The following ADGRV1 variants were observed in gnomAD, a reference collection of about 807,000 sequenced individuals.
ADGRV1 encodes adhesion G protein-coupled receptor V1, also known as G-protein coupled receptor 98.
A neutral mutation model predicts 596.2 loss-of-function variants in ADGRV1; 359 were observed. The observed-to-expected ratio is 0.60, with a 90% confidence interval of 0.55 to 0.66. The LOEUF is 0.66. Ranked by LOEUF, ADGRV1 falls within the 30% of genes least tolerant of loss-of-function variation. The pLI is 0.00. For synonymous variants in ADGRV1, 2,681 were observed against 2,679.2 expected (o/e 1.00, Z -0.02); for missense variants, 7,274 against 7,575.6 (o/e 0.96, Z 1.48).
At chr5:91,055,349 C>T (rs1320862322) in intron 85 of ADGRV1, among the ~76,000 whole-genome samples, 2 of 151,616 alleles carry the variant, frequency 1.3e-5, no homozygotes, top group South Asian at 4.2e-4. Context: ...CATGAGTAGA[C>T]ATTACAGTGT....
chr5:90,899,617 G>A (rs1366720189), intron 83 of ADGRV1, among the ~76,000 whole-genome samples: 2 of 152,100 alleles, frequency 1.3e-5, no homozygotes, highest in Non-Finnish European at 2.9e-5. Flanking sequence ...ATGACTTTAT[G>A]CTTTTCTCCC....
chr5:90,912,329 G>A (rs1772959285), intron 83 of ADGRV1, among the ~76,000 whole-genome samples: 1 of 152,106 alleles, frequency 6.6e-6, no homozygotes, highest in Non-Finnish European at 1.5e-5. Context: ...TTAAATGACA[G>A]TACCAAACAT....
At chr5:90,598,473 G>A (rs576396681) in intron 1 of ADGRV1, among the ~76,000 whole-genome samples, 3 of 152,322 alleles carry the variant, frequency 2.0e-5, no homozygotes, top group Non-Finnish European at 2.9e-5. Flanking sequence ...GCAGTGGAGC[G>A]TTTCTCCTCT....
intron 16 of ADGRV1, 100 bp from the exon 17 acceptor site, chr5:90,647,398 A>G: frequency 1.6e-6 from 2 of 1,236,216 alleles, no homozygotes; most frequent in Middle Eastern, 2.0e-4. Context: ...GACACAGTAC[A>G]AGGCTTCTCT....
At chr5:91,100,112 A>G (rs1000145686) in intron 86 of ADGRV1, among the ~76,000 whole-genome samples, 2 of 152,144 alleles carry the variant, frequency 1.3e-5, no homozygotes, top group African/African-American at 4.8e-5. Flanking sequence ...GCTAGGGACA[A>G]CTTGGCATCG....
intron 85 of ADGRV1, among the ~76,000 whole-genome samples, chr5:91,062,980 G>A (rs149838473): frequency 0.015 from 1,884 of 124,440 alleles, 53 homozygotes; most frequent in African/African-American, 0.053. Flanking sequence ...TTTTTTTGAG[G>A]CAGAGTTTCA....
rs372748882 is a variant in ADGRV1 at position 90,644,769 on chromosome 5, G to A, written c.2798G>A (p.Ser933Asn). ...GATGTTAGTGTATCATGGGTGGTTA[G>A]TCCAGACTTTACACAAGATGTATTT... ...FGDVSVSWVV[S>N]PDFTQDVFPV... Residue 933 changes from serine (S) to asparagine (N), a missense_variant, in exon 15 of 90, where the codon AGT becomes AAT. Physicochemically the swap from Ser to Asn is conservative, Grantham distance 46 (BLOSUM62 1). Around this residue, in one of 5 missense-constraint regions of ADGRV1, gnomAD observed 1,715 missense variants for 1,708.8 expected, o/e 1.00. Transcript: ENST00000405460. 1 of 1,611,998 alleles carries A rather than the reference G, an allele frequency of 6.2e-7. No homozygotes were observed. The highest frequency in any genetic ancestry group is 8.5e-7 in the Non-Finnish European group (1 of 1,179,266).
chr5:91,130,522 CAA>C (rs11423089), intron 87 of ADGRV1, among the ~76,000 whole-genome samples: 4 of 73,346 alleles, frequency 5.5e-5, no homozygotes, highest in African/African-American at 1.3e-4. Context: ...AACTCCATCT[CAA>C]AAAAAAAAAA....
chr5:90,713,829 G>A (rs961205563), intron 42 of ADGRV1, among the ~76,000 whole-genome samples: 2 of 152,054 alleles, frequency 1.3e-5, no homozygotes, highest in African/African-American at 4.8e-5. Context: ...GTAGGAGAAA[G>A]GAATATAGTA....
chr5:90,572,643 CGCACGT>C (rs1756685266), intron 1 of ADGRV1, among the ~76,000 whole-genome samples: 1 of 152,088 alleles, frequency 6.6e-6, no homozygotes. Context: ...CACACGCACA[CGCACGT>C]GCACACACAC....
In ADGRV1 at chr5:90,848,806, G is replaced by T. The variant is rs1473584596; in HGVS notation, c.17189G>T (p.Gly5730Val). ...AFSLLTNVTC[G>V]SPGEKSKTIL... ...TCTCTGCTGACTAATGTTACTTGCG[G>T]CTCTCCTGGTGAAAAGTAAGTATCT... The change falls in exon 79 of 90, where the codon GGC (glycine) becomes GTC (valine). Residue 5730 changes from glycine (G) to valine (V), a missense_variant. Physicochemically the swap from Gly to Val is moderately radical, Grantham distance 109. Coordinates refer to ENST00000405460, the MANE Select transcript of ADGRV1 (RefSeq NM_032119.4). 1 of 1,581,062 alleles carries T rather than the reference G, an allele frequency of 6.3e-7. No homozygotes were observed. The highest frequency in any genetic ancestry group is 8.6e-7 in the Non-Finnish European group (1 of 1,168,382).
intron 34 of ADGRV1, among the ~76,000 whole-genome samples, chr5:90,701,694 G>A (rs1747927344): frequency 6.6e-6 from 1 of 151,758 alleles, no homozygotes; most frequent in South Asian, 2.1e-4. Flanking sequence ...TTTCAGAGGG[G>A]ATATTGATGA....
In ADGRV1 at chr5:90,692,665, G is replaced by T; in HGVS notation, c.7012G>T (p.Ala2338Ser). Residue 2338 changes from alanine (A) to serine (S), a missense_variant, in exon 32 of 90, where the codon GCA becomes TCA. By Grantham distance (99) the Ala-to-Ser change is moderately conservative. Around this residue, in one of 5 missense-constraint regions of ADGRV1, gnomAD observed 3,643 missense variants for 3,809.2 expected, o/e 0.96. Transcript: ENST00000405460. ...AGGTACTATTGGGTTAGATCGAATTGCAAATATTATTATTCCTGCCAATGA... is the reference window on the plus strand; with the variant it reads ...AGGTACTATTGGGTTAGATCGAATTTCAAATATTATTATTCCTGCCAATGA... The part of the protein sequence containing the change: ...GGGTIGLDRI[A>S]NIIIPANDDP... 1 of 1,611,252 alleles carries T rather than the reference G, an allele frequency of 6.2e-7. No individual in the cohort carries two copies. The highest frequency in any genetic ancestry group is 8.5e-7 in the Non-Finnish European group (1 of 1,178,724).
intron 86 of ADGRV1, among the ~76,000 whole-genome samples, chr5:91,077,569 T>C (rs1284203870): frequency 6.6e-6 from 1 of 152,204 alleles, no homozygotes; most frequent in Non-Finnish European, 1.5e-5. Flanking sequence ...CACTCAGTGC[T>C]ATAGATGCCC....
At position 91,072,477 on chromosome 5, in the gene ADGRV1, G is replaced by A. The variant is rs1411178205; in HGVS notation, c.18183G>A (p.Leu6061=). 1 of 1,613,822 alleles carries A rather than the reference G, an allele frequency of 6.2e-7. No homozygotes were observed. The highest frequency in any genetic ancestry group is 1.1e-5 in the South Asian group (1 of 91,084). The part of the protein sequence containing the change: ...LCFIPNVYAA[L]FTAALVPLTC... Reference sequence around the variant, plus strand: ...TTATTCCAAACGTCTATGCTGCTTTGTTCACTGCAGCTCTTGTTCCTTTGA... The same window carrying A: ...TTATTCCAAACGTCTATGCTGCTTTATTCACTGCAGCTCTTGTTCCTTTGA... The change falls in exon 86 of 90, where the codon TTG becomes TTA. Residue 6061 remains leucine (L), a synonymous_variant. Transcript: ENST00000405460.
chr5:90,763,261 T>G, intron 58 of ADGRV1, 44 bp from the exon 59 acceptor site: 1 of 1,384,896 alleles, frequency 7.2e-7, no homozygotes, highest in Non-Finnish European at 9.6e-7. Flanking sequence ...CCTGCTCTTT[T>G]TGTTTTTTTT....
chr5:90,974,708 A>G (rs1779394180), intron 84 of ADGRV1, among the ~76,000 whole-genome samples: 1 of 152,260 alleles, frequency 6.6e-6, no homozygotes, highest in Non-Finnish European at 1.5e-5. Context: ...TTCAAGATGG[A>G]TTAAAGACTT....
intron 70 of ADGRV1, among the ~76,000 whole-genome samples, chr5:90,794,875 G>A (rs1760497300): frequency 6.6e-6 from 1 of 151,944 alleles, no homozygotes; most frequent in African/African-American, 2.4e-5. Context: ...GGAAGCACAA[G>A]GGGTTGGGGA....
chr5:90,905,526 T>G (rs1438605287), intron 83 of ADGRV1, among the ~76,000 whole-genome samples: 1 of 152,100 alleles, frequency 6.6e-6, no homozygotes, highest in African/African-American at 2.4e-5. Context: ...TGTTTCTTTT[T>G]CAAACTTGTA....
Sources: allele counts gnomAD v4.1 joint callset (sites outside exome capture counted in the v4.1 genomes callset), GRCh38; gene constraint gnomAD v4.1.1; regional missense constraint gnomAD v4.1.1; transcripts MANE v1.5; gene names NCBI Gene and HGNC (gene_info 2026-07-23, HGNC 2026-07-21).